USP12: variants seen among roughly 807,000 people sequenced by gnomAD.
USP12 encodes ubiquitin specific peptidase 12.
A neutral mutation model predicts 45.5 loss-of-function variants in USP12; 19 were observed. The ratio of observed to expected loss-of-function variants is 0.42; its 90% CI spans 0.29 to 0.61. The LOEUF (loss-of-function observed/expected upper bound fraction) is 0.61, where lower values mean the gene tolerates loss of function less well. Ranked by LOEUF, USP12 falls within the 20% of genes least tolerant of loss-of-function variation. The pLI is 0.22. For missense variants in USP12, 242 were observed against 447.7 expected (o/e 0.54, Z 4.15); for synonymous variants, 149 against 148.8 (o/e 1.00, Z -0.01).
chr13:27,134,249 G>A lies in USP12; in HGVS notation c.49-17653C>T, dbSNP rs184405734. ...CTATAGGGTTACTAACAACTTATAG[G>A]ACAGAATTTGGAGAAAGGTAGCATA... On this transcript the variant is annotated intron_variant, in intron 1 of 8. Transcript: ENST00000282344. Among the ~76,000 whole-genome samples, 220 of 152,294 alleles carry A rather than the reference G, an allele frequency of 1.4e-3. 2 individuals are homozygous for A. In the East Asian group the frequency reaches 0.027, roughly 19 times the overall value.
At chr13:27,135,477 C>A (rs1276729325) in intron 1 of USP12, among the ~76,000 whole-genome samples, 2 of 151,962 alleles carry the variant, frequency 1.3e-5, no homozygotes, top group Non-Finnish European at 1.5e-5. Context: ...CTTTCGGAGG[C>A]CGAGGCAGAT....
At chr13:27,079,757 T>C (rs1041442368) in intron 6 of USP12, among the ~76,000 whole-genome samples, 6 of 152,208 alleles carry the variant, frequency 3.9e-5, no homozygotes. Flanking sequence ...CTGCCACAGA[T>C]GAATGCAATA....
At chr13:27,157,810 C>G (rs1877909255) in intron 1 of USP12, among the ~76,000 whole-genome samples, 2 of 152,180 alleles carry the variant, frequency 1.3e-5, no homozygotes, top group Non-Finnish European at 2.9e-5. Flanking sequence ...AGGCCTCACT[C>G]CAAATACCAG....
At chr13:27,094,138 G>GT (rs771992778) in intron 4 of USP12, among the ~76,000 whole-genome samples, 47 of 150,184 alleles carry the variant, frequency 3.1e-4, no homozygotes, top group African/African-American at 1.1e-3. Flanking sequence ...GAGGAGGGAG[G>GT]TATTTGTGTC....
intron 8 of USP12, 47 bp downstream of exon 8, chr13:27,071,024 A>C: frequency 6.8e-7 from 1 of 1,478,422 alleles, no homozygotes; most frequent in South Asian, 1.2e-5. Context: ...GTGAAAAGCA[A>C]CATATGCATA....
intron 2 of USP12, among the ~76,000 whole-genome samples, chr13:27,112,971 T>C (rs117601997): frequency 0.042 from 6,331 of 152,316 alleles, 162 homozygotes; most frequent in Admixed American, 0.075. Flanking sequence ...CAATGGCTCA[T>C]GCCTGTAATC....
At chr13:27,151,691 A>G (rs1877575163) in intron 1 of USP12, among the ~76,000 whole-genome samples, 1 of 152,138 alleles carries the variant, frequency 6.6e-6, no homozygotes, top group Non-Finnish European at 1.5e-5. Context: ...CTGAGGTGGG[A>G]GGATGACTTG....
chr13:27,095,527 C>G, intron 4 of USP12, 74 bp downstream of exon 4: 1 of 1,086,344 alleles, frequency 9.2e-7, no homozygotes, highest in Non-Finnish European at 1.3e-6. Flanking sequence ...ATCTTCCATT[C>G]TGTCTTTCTC....
intron 1 of USP12, among the ~76,000 whole-genome samples, chr13:27,163,462 C>T (rs183897293): frequency 6.6e-6 from 1 of 152,238 alleles, no homozygotes; most frequent in East Asian, 1.9e-4. Context: ...TCCTGAAGCC[C>T]TCTTCTCTCT....
chr13:27,142,891 G>A (rs925266561), intron 1 of USP12, among the ~76,000 whole-genome samples: 9 of 151,556 alleles, frequency 5.9e-5, no homozygotes, highest in Middle Eastern at 6.8e-3. Flanking sequence ...TCAGGAGATC[G>A]AGACCATCCT....
At chr13:27,084,375 G>A (rs1297071232) in intron 6 of USP12, among the ~76,000 whole-genome samples, 5 of 151,380 alleles carry the variant, frequency 3.3e-5, no homozygotes, top group South Asian at 4.2e-4. Context: ...GCATGGTGGC[G>A]CACACCTGTA....
In USP12 at chr13:27,071,150, C is replaced by T. The variant is rs2137750660; in HGVS notation, c.933-1G>A. The T allele has an allele frequency of 6.3e-7, 1 of 1,590,276 alleles. No individual in the cohort carries two copies. Among genetic ancestry groups the T allele is most frequent in the Non-Finnish European group, 8.5e-7 (1 of 1,172,186 alleles). On this transcript the variant is annotated splice_acceptor_variant, in intron 7 of 8. Coordinates refer to ENST00000282344, the MANE Select transcript of USP12 (RefSeq NM_182488.4). LOFTEE classifies it high-confidence loss of function. ...AATATAATGGCCTCGATTGGGACCACTAAAACAAACGAAGAAGAAGTTAAT... is the reference window on the plus strand; with the variant it reads ...AATATAATGGCCTCGATTGGGACCATTAAAACAAACGAAGAAGAAGTTAAT...
At chr13:27,116,194 C>G (rs1161769767) in intron 2 of USP12, among the ~76,000 whole-genome samples, 2 of 151,908 alleles carry the variant, frequency 1.3e-5, no homozygotes, top group African/African-American at 4.8e-5. Context: ...CGCCTGTAGT[C>G]CCAGCTACTC....
chr13:27,080,076 G>A (rs1185373810), intron 6 of USP12, among the ~76,000 whole-genome samples: 1 of 152,184 alleles, frequency 6.6e-6, no homozygotes, highest in Non-Finnish European at 1.5e-5. Context: ...GCACAAATGA[G>A]GCTCATGACA....
chr13:27,159,169 A>G (rs1322235479), intron 1 of USP12, among the ~76,000 whole-genome samples: 8 of 152,202 alleles, frequency 5.3e-5, no homozygotes, highest in Non-Finnish European at 2.9e-5. Context: ...AAAAGAAACT[A>G]CCATTTCTAA....
intron 2 of USP12, among the ~76,000 whole-genome samples, chr13:27,109,781 CT>C (rs1201436911): frequency 6.6e-6 from 1 of 151,674 alleles, no homozygotes; most frequent in Non-Finnish European, 1.5e-5. Context: ...GGGCGTTTTA[CT>C]CCTGTAATCC....
chr13:27,117,770 C>G, intron 1 of USP12: 1 of 517,998 alleles, frequency 1.9e-6, no homozygotes. Context: ...GGACCTCGCA[C>G]AGACAATCAT....
At position 27,116,587 on chromosome 13, in the gene USP12, C is replaced by G. The variant is rs773639348; in HGVS notation, c.58G>C (p.Ala20Pro). 1 of 1,612,000 alleles carries G rather than the reference C, an allele frequency of 6.2e-7. No homozygotes were observed. The highest frequency in any genetic ancestry group is 8.5e-7 in the Non-Finnish European group (1 of 1,179,724). ...FASICTMGAN[A>P]SALEKEIGPE... ...CCAATCTCTTTCTCTAATGCCGAAG[C>G]ATTGGCGCCCTATAAAATGAAAAAC... Residue 20 changes from alanine (A) to proline (P), a missense_variant, in exon 2 of 9, where the codon GCT becomes CCT. Physicochemically the swap from Ala to Pro is conservative, Grantham distance 27 (BLOSUM62 -1). This residue lies in a region of USP12 where 77 missense variants were observed against 153.7 expected (regional missense o/e 0.50). Coordinates refer to ENST00000282344, the MANE Select transcript of USP12 (RefSeq NM_182488.4).
chr13:27,095,529 G>T, intron 4 of USP12, 72 bp downstream of exon 4: 2 of 1,104,504 alleles, frequency 1.8e-6, no homozygotes, highest in Non-Finnish European at 2.5e-6. Context: ...CTTCCATTCT[G>T]TCTTTCTCAA....
Sources: allele counts gnomAD v4.1 joint callset (sites outside exome capture counted in the v4.1 genomes callset), GRCh38; gene constraint gnomAD v4.1.1; regional missense constraint gnomAD v4.1.1; transcripts MANE v1.5; gene names NCBI Gene and HGNC (gene_info 2026-07-23, HGNC 2026-07-21).